BCAS4: variants seen among roughly 807,000 people sequenced by gnomAD.
BCAS4 encodes breast carcinoma amplified sequence 4.
In BCAS4, 9 loss-of-function variants were observed where a neutral mutation model predicts 15.7. The ratio of observed to expected loss-of-function variants is 0.57; its 90% CI spans 0.34 to 1.00. The LOEUF is 1.00. Ranked by LOEUF, BCAS4 falls within the 50% of genes least tolerant of loss-of-function variation. The pLI is 0.02. For synonymous variants in BCAS4, 101 were observed against 99.5 expected (o/e 1.02, Z -0.09); for missense variants, 225 against 239.1 (o/e 0.94, Z 0.39).
intron 1 of BCAS4, among the ~76,000 whole-genome samples, chr20:50,813,352 G>A (rs1390539564): frequency 6.6e-6 from 1 of 152,178 alleles, no homozygotes; most frequent in Non-Finnish European, 1.5e-5. Flanking sequence ...GGTGGGGAGA[G>A]CTTTTGTCTT....
chr20:50,881,671 T>C (rs1238863933), downstream of BCAS4: 3 of 152,164 alleles, frequency 2.0e-5, no homozygotes, highest in Non-Finnish European at 4.4e-5. Flanking sequence ...TGAATTTTTT[T>C]TTTTTTTTGA....
At position 50,866,927 on chromosome 20, in the gene BCAS4, C is replaced by A. The variant is rs868285479; in HGVS notation, c.400-9559C>A. Among the ~76,000 whole-genome samples, 3 of 152,310 alleles carry A rather than the reference C, an allele frequency of 2.0e-5. No homozygotes were observed. The Middle Eastern group carries it at 0.01, about 518-fold the overall frequency. ...TGAATGCTCTGTGACCTTTCAGGTC[C>A]CATCGCGGGCCGGGCACTCTGTAAA... On this transcript the variant is annotated intron_variant, in intron 4 of 4. Transcript: ENST00000371608.
At chr20:50,827,392 T>A (rs1477156468) in intron 2 of BCAS4, among the ~76,000 whole-genome samples, 1 of 152,252 alleles carries the variant, frequency 6.6e-6, no homozygotes, top group East Asian at 1.9e-4. Context: ...CCACATGGCA[T>A]CACGGATGTG....
At chr20:50,872,712 C>T (rs1325629565) in intron 4 of BCAS4, among the ~76,000 whole-genome samples, 1 of 152,270 alleles carries the variant, frequency 6.6e-6, no homozygotes, top group East Asian at 1.9e-4. Context: ...AACACCTGAG[C>T]TTCCTGGCTC....
chr20:50,816,264 G>A (rs2088135937), intron 1 of BCAS4, among the ~76,000 whole-genome samples: 1 of 152,186 alleles, frequency 6.6e-6, no homozygotes, highest in South Asian at 2.1e-4. Flanking sequence ...GACCTCAGGT[G>A]ATCTGCCCAC....
At chr20:50,795,574 C>G (rs2087845198) in intron 1 of BCAS4, among the ~76,000 whole-genome samples, 1 of 152,236 alleles carries the variant, frequency 6.6e-6, no homozygotes, top group Non-Finnish European at 1.5e-5. Context: ...GCTGCTGCAG[C>G]TCGGAGCGAA....
chr20:50,839,467 C>A (rs1600875534), intron 3 of BCAS4, among the ~76,000 whole-genome samples: 1 of 152,072 alleles, frequency 6.6e-6, no homozygotes, highest in Non-Finnish European at 1.5e-5. Flanking sequence ...TTGATGGGCT[C>A]TTAATATGTA....
chr20:50,797,690 A>G lies in BCAS4; in HGVS notation c.90+2517A>G, dbSNP rs1413929354. ...GCAATTTTTTTTGTTTTTGAGACAGAGTTTCACTCTTGTTGCCCAGGCTGG... is the reference window on the plus strand; with the variant it reads ...GCAATTTTTTTTGTTTTTGAGACAGGGTTTCACTCTTGTTGCCCAGGCTGG... On this transcript the variant is annotated intron_variant, in intron 1 of 4. Transcript: ENST00000371608. Among the ~76,000 whole-genome samples, 5 of 152,112 alleles carry G rather than the reference A, an allele frequency of 3.3e-5. No homozygotes were observed. The East Asian group carries it at 7.7e-4, about 24-fold the overall frequency.
chr20:50,848,932 A>T (rs566691112), intron 4 of BCAS4, among the ~76,000 whole-genome samples: 1 of 152,388 alleles, frequency 6.6e-6, no homozygotes, highest in South Asian at 2.1e-4. Flanking sequence ...GGCAGCCATC[A>T]GCCCAGCGCC....
chr20:50,856,839 C>CTGAT (rs1392414424), intron 4 of BCAS4, among the ~76,000 whole-genome samples: 2 of 152,148 alleles, frequency 1.3e-5, no homozygotes, highest in African/African-American at 2.4e-5. Context: ...GCCAGGCCCT[C>CTGAT]TGATTGATTG....
intron 4 of BCAS4, chr20:50,876,057 T>A (rs1021529640): frequency 4.2e-5 from 19 of 455,374 alleles, no homozygotes; most frequent in Non-Finnish European, 8.4e-5. Flanking sequence ...TTCAAGTGAT[T>A]CTCCTGCCTC....
Position 50,851,048 on chromosome 20 carries a change from C to T in BCAS4, c.399+9148C>T, listed in dbSNP as rs1454012417. 3.1e-5 allele frequency among the ~76,000 whole-genome samples: 4 copies of T among 128,346 alleles called. No individual in the cohort carries two copies. Among genetic ancestry groups the T allele is most frequent in the African/African-American group, 1.2e-4 (4 of 33,014 alleles). The allele number at this position is 128,346 out of a possible 152,430, so 84.2% of individuals were successfully genotyped here. ...AGCTCCCGCCCCTTGCCTCCTCTCCCCTTCCTGTCCAGCCCTGCAAGTGGT... is the reference window on the plus strand; with the variant it reads ...AGCTCCCGCCCCTTGCCTCCTCTCCTCTTCCTGTCCAGCCCTGCAAGTGGT... On this transcript the variant is annotated intron_variant, in intron 4 of 4. Coordinates refer to ENST00000371608, the MANE Select transcript of BCAS4 (RefSeq NM_198799.4). The surrounding 1 kb of genome is among the most constrained non-coding windows in gnomAD (Gnocchi z 4.3).
intron 4 of BCAS4, among the ~76,000 whole-genome samples, chr20:50,846,341 G>A (rs1315990498): frequency 6.6e-6 from 1 of 152,116 alleles, no homozygotes; most frequent in Non-Finnish European, 1.5e-5. Flanking sequence ...GCCTTTGTAA[G>A]CCTCAGAGAC....
rs1261273145 is a variant in BCAS4 at position 50,876,527 on chromosome 20, A to G, written c.441A>G (p.Thr147=). The G allele has an allele frequency of 6.2e-7, 1 of 1,613,840 alleles. No homozygotes were observed. The highest frequency in any genetic ancestry group is 8.5e-7 in the Non-Finnish European group (1 of 1,179,938). The change falls in exon 5 of 5, where the codon ACA becomes ACG. Residue 147 remains threonine, a synonymous_variant. Transcript: ENST00000371608. ...APVPVTYELP[T]LYRTEDYFPV... ...TGCCCGTGACGTACGAGCTGCCCACACTGTATAGGACGGAGGACTATTTTC... is the reference window on the plus strand; with the variant it reads ...TGCCCGTGACGTACGAGCTGCCCACGCTGTATAGGACGGAGGACTATTTTC...
chr20:50,805,264 C>T (rs763167879), intron 1 of BCAS4, among the ~76,000 whole-genome samples: 5 of 152,186 alleles, frequency 3.3e-5, no homozygotes, highest in Non-Finnish European at 2.9e-5. Context: ...ACCCCCACCA[C>T]GAATCTCCTT....
intron 1 of BCAS4, among the ~76,000 whole-genome samples, chr20:50,815,292 C>G: frequency 6.6e-6 from 1 of 152,172 alleles, no homozygotes; most frequent in African/African-American, 2.4e-5. Flanking sequence ...AAGGAGGCAT[C>G]CCACCCCGCT....
intron 2 of BCAS4, among the ~76,000 whole-genome samples, chr20:50,819,220 C>A (rs944473377): frequency 2.6e-5 from 4 of 151,974 alleles, no homozygotes; most frequent in African/African-American, 9.7e-5. Flanking sequence ...GCTTCTAGAT[C>A]CCAGTGTTCC....
chr20:50,843,930 G>A (rs1177712716), intron 4 of BCAS4, among the ~76,000 whole-genome samples: 3 of 152,172 alleles, frequency 2.0e-5, no homozygotes, highest in Non-Finnish European at 4.4e-5. Flanking sequence ...GATCACTTGA[G>A]CCCAGGAGTT....
chr20:50,839,702 C>T lies in BCAS4; in HGVS notation c.265-2064C>T, dbSNP rs532203828. On this transcript the variant is annotated intron_variant, in intron 3 of 4. Coordinates refer to ENST00000371608, the MANE Select transcript of BCAS4 (RefSeq NM_198799.4). ...TGTATTTTTAATAGAGATGGGGTTTCGCCATGCTGGCCAGGCTGGTCTCAA... is the reference window on the plus strand; with the variant it reads ...TGTATTTTTAATAGAGATGGGGTTTTGCCATGCTGGCCAGGCTGGTCTCAA... 2.9e-3 allele frequency among the ~76,000 whole-genome samples: 441 copies of T among 152,274 alleles called. 2 individuals carry two copies. The highest frequency in any genetic ancestry group is 5.0e-3 in the Non-Finnish European group (339 of 68,022).
Sources: allele counts gnomAD v4.1 joint callset (sites outside exome capture counted in the v4.1 genomes callset), GRCh38; gene constraint gnomAD v4.1.1; non-coding constraint Gnocchi (gnomAD v3.1); transcripts MANE v1.5; gene names NCBI Gene and HGNC (gene_info 2026-07-23, HGNC 2026-07-21).